Variants in CCDC93 observed in about 807,000 individuals in gnomAD.
CCDC93 encodes the protein coiled-coil domain-containing protein 93.
In CCDC93, 61 loss-of-function variants were observed where a neutral mutation model predicts 108.2. That is an observed-to-expected ratio of 0.56 (90% CI 0.46 to 0.70). The LOEUF is 0.70. Among genes scored for constraint, CCDC93 ranks in the 30% least tolerant of loss-of-function variants. The probability of loss-of-function intolerance (pLI) is 0.00; values close to 1 mark genes in which losing one functional copy is unlikely to be tolerated. For synonymous variants in CCDC93, 276 were observed against 260.4 expected (o/e 1.06, Z -0.58); for missense variants, 685 against 764.2 (o/e 0.90, Z 1.22).
At chr2:118,000,978 C>T in intron 3 of CCDC93, 46 bp from the exon 4 acceptor site, 1 of 1,142,080 alleles carries the variant, frequency 8.8e-7, no homozygotes, top group Non-Finnish European at 1.3e-6. Context: ...TACTAAGTAG[C>T]CTTTATGGCA....
chr2:117,963,421 T>C (rs1679457286), intron 11 of CCDC93, among the ~76,000 whole-genome samples: 2 of 152,240 alleles, frequency 1.3e-5, no homozygotes, highest in Non-Finnish European at 2.9e-5. Flanking sequence ...GTTATCCTAG[T>C]TTGTAAGTGA....
chr2:117,931,359 A>G (rs1018074346), intron 22 of CCDC93: 2 of 465,008 alleles, frequency 4.3e-6, no homozygotes, highest in Non-Finnish European at 7.6e-6. Flanking sequence ...ATCACTGAGT[A>G]TTAACTGTTT....
chr2:117,993,476 T>C lies in CCDC93; in HGVS notation c.519+1970A>G, dbSNP rs77737591. Among the ~76,000 whole-genome samples the C allele has an allele frequency of 1.6e-4, 24 of 150,384 alleles. No homozygotes were observed. In the East Asian group the frequency reaches 2.0e-3, roughly 12 times the overall value. ...AAAAAACACCTTAATGTGTACTTAC[T>C]GTTTTGAATAGGTAATGCACAGACT... On this transcript the variant is annotated intron_variant, in intron 6 of 23. Transcript: ENST00000376300.
intron 11 of CCDC93, among the ~76,000 whole-genome samples, chr2:117,966,123 T>A: frequency 6.6e-6 from 1 of 152,224 alleles, no homozygotes; most frequent in East Asian, 1.9e-4. Context: ...GAAGGCCTTA[T>A]GGGGGTGCTA....
intron 13 of CCDC93, chr2:117,949,705 TAAA>T: frequency 1.3e-6 from 1 of 747,220 alleles, no homozygotes; most frequent in Non-Finnish European, 1.6e-6. Context: ...ATTCAAAAAT[TAAA>T]AAAAAAAAGT....
At chr2:117,941,524 G>T (rs1404289501) in intron 18 of CCDC93, among the ~76,000 whole-genome samples, 3 of 152,030 alleles carry the variant, frequency 2.0e-5, no homozygotes, top group Non-Finnish European at 1.5e-5. Context: ...ATCACAGAAG[G>T]CACCAAATGA....
At chr2:117,949,938 G>A in intron 13 of CCDC93, 1 of 985,362 alleles carries the variant, frequency 1.0e-6, no homozygotes. Context: ...CAGTGTTGGG[G>A]ATCTGCATTA....
chr2:117,975,367 T>C, intron 8 of CCDC93, 87 bp from the exon 9 acceptor site: 1 of 974,240 alleles, frequency 1.0e-6, no homozygotes, highest in South Asian at 1.4e-5. Context: ...CATGAGTCTG[T>C]GAAAAAAACA....
At chr2:117,940,578 A>G (rs1043964593) in intron 19 of CCDC93, among the ~76,000 whole-genome samples, 1 of 152,222 alleles carries the variant, frequency 6.6e-6, no homozygotes, top group Non-Finnish European at 1.5e-5. Context: ...GTTAGCAGAG[A>G]GAGAAGTGAC....
intron 6 of CCDC93, among the ~76,000 whole-genome samples, chr2:117,991,391 G>A (rs559937127): frequency 6.6e-5 from 10 of 152,272 alleles, no homozygotes; most frequent in African/African-American, 2.4e-4. Flanking sequence ...GTCAGTAATA[G>A]TACTGCAAAA....
Position 117,936,692 on chromosome 2 carries a change from C to T in CCDC93, c.1643+10G>A. 6.2e-7 allele frequency: 1 copy of T among 1,609,398 alleles called. No homozygotes were observed. The highest frequency in any genetic ancestry group is 8.5e-7 in the Non-Finnish European group (1 of 1,175,680). ...GGGTATTAGTGGGAAGGAGGACTGA[C>T]AGTACTTACTGTGAGAAGTTCTCAT... On this transcript the variant is annotated intron_variant, in intron 21 of 23. Coordinates refer to ENST00000376300, the MANE Select transcript of CCDC93 (RefSeq NM_019044.5).
chr2:118,002,201 T>C (rs2104824945), intron 3 of CCDC93, among the ~76,000 whole-genome samples: 2 of 152,286 alleles, frequency 1.3e-5, no homozygotes, highest in Middle Eastern at 6.8e-3. Context: ...TTCAACAAGT[T>C]TTGGGTCTCC....
intron 12 of CCDC93, among the ~76,000 whole-genome samples, chr2:117,952,815 T>A (rs1263615602): frequency 6.6e-6 from 1 of 152,204 alleles, no homozygotes; most frequent in Non-Finnish European, 1.5e-5. Context: ...TCAGTGGGGC[T>A]ACAATCAATG....
intron 8 of CCDC93, 110 bp downstream of exon 8, chr2:117,977,884 T>C (rs553754471): frequency 5.1e-6 from 5 of 976,042 alleles, no homozygotes; most frequent in South Asian, 4.0e-5. Flanking sequence ...AGCTCACACA[T>C]CCCTGGGTTT....
rs1677095998 is a variant in CCDC93, at chr2:118,014,063, G to A, written c.-68C>T. ...GCGTCCGGAGGAAGCTGTCCCTGCC[G>A]CGGAGCTGCTACCGGGGTGGAGTAC... On this transcript the variant is annotated 5_prime_UTR_variant, in exon 1 of 24. Transcript: ENST00000376300. 6.4e-7 allele frequency: 1 copy of A among 1,562,308 alleles called. No homozygotes were observed.
chr2:117,982,123 T>C (rs538498560), intron 7 of CCDC93, among the ~76,000 whole-genome samples: 1 of 136,792 alleles, frequency 7.3e-6, no homozygotes, highest in Non-Finnish European at 1.6e-5. Context: ...TGTTCCTTAG[T>C]ATTCAAGGCC....
chr2:117,970,419 C>G (rs907153360), intron 11 of CCDC93, among the ~76,000 whole-genome samples: 1 of 151,754 alleles, frequency 6.6e-6, no homozygotes, highest in Non-Finnish European at 1.5e-5. Context: ...TTACCAGATC[C>G]ATGGAAAAAC....
At chr2:117,985,468 G>T in intron 7 of CCDC93, 1 of 963,254 alleles carries the variant, frequency 1.0e-6, no homozygotes, top group Non-Finnish European at 1.2e-6. Flanking sequence ...AATTCAATGG[G>T]GAGAAGCATG....
rs911724423 is a variant in CCDC93, at chr2:117,964,073, T to C, written c.889-5592A>G. On this transcript the variant is annotated intron_variant, in intron 11 of 23. Coordinates refer to ENST00000376300, the MANE Select transcript of CCDC93 (RefSeq NM_019044.5). The stretch of plus-strand genomic sequence containing the variant: ...AGAGCCGTTTGTAAACAGAAACATA[T>C]TTAGCATTGTTCTCTCCAGATTTAC... Among the ~76,000 whole-genome samples the C allele has an allele frequency of 3.3e-5, 5 of 152,204 alleles. No homozygotes were observed. In the East Asian group the frequency reaches 9.6e-4, roughly 29 times the overall value.
Sources: gnomAD v4.1 joint callset for allele counts (sites outside exome capture counted in the v4.1 genomes callset) on GRCh38, gnomAD v4.1.1 for gene constraint, MANE v1.5 for transcripts, NCBI Gene and HGNC (gene_info 2026-07-23, HGNC 2026-07-21) for gene names.